CADM1: variants seen among roughly 807,000 people sequenced by gnomAD.
CADM1 encodes the protein cell adhesion molecule 1, also known as TSLC-1.
CADM1 carries 15 observed loss-of-function variants against 53.1 expected under a neutral mutation model. The ratio of observed to expected loss-of-function variants is 0.28; its 90% confidence interval spans 0.19 to 0.44. CADM1 has a LOEUF of 0.44. CADM1 is among the 20% of genes least tolerant of loss of function. CADM1 has a pLI of 1.00. For synonymous variants in CADM1, 281 were observed against 243.0 expected (o/e 1.16, Z -1.45); for missense variants, 434 against 611.3 (o/e 0.71, Z 3.06).
intron 1 of CADM1, among the ~76,000 whole-genome samples, chr11:115,407,828 C>T (rs188097773): frequency 7.6e-6 from 1 of 131,598 alleles, no homozygotes; most frequent in East Asian, 2.4e-4. Flanking sequence ...GCCATACCAT[C>T]GCACTCCAGC....
In CADM1 at chr11:115,253,378, G is replaced by A. The variant is rs189708370; in HGVS notation, c.125-12958C>T. Among the ~76,000 whole-genome samples the A allele has an allele frequency of 4.6e-5, 7 of 152,248 alleles. No homozygotes were observed. The East Asian group carries it at 1.4e-3, about 29-fold the overall frequency. ...CTTTCCTGCTTTCTAATGAGTTCCT[G>A]GGTATGTCTAAGATGTTTGGGGTGT... On this transcript the variant is annotated intron_variant, in intron 1 of 11. Transcript: ENST00000331581.
chr11:115,360,711 T>C (rs1220461382), intron 1 of CADM1, among the ~76,000 whole-genome samples: 3 of 152,270 alleles, frequency 2.0e-5, no homozygotes, highest in East Asian at 3.9e-4. Flanking sequence ...AGACAGAACA[T>C]AGTTGCAGTC....
intron 1 of CADM1, among the ~76,000 whole-genome samples, chr11:115,355,678 A>G (rs1291709397): frequency 6.6e-6 from 1 of 151,456 alleles, no homozygotes; most frequent in Non-Finnish European, 1.5e-5. Context: ...ATCAAAAACT[A>G]AACAGATTTA....
intron 1 of CADM1, among the ~76,000 whole-genome samples, chr11:115,459,054 G>A (rs1237401147): frequency 6.6e-6 from 1 of 152,052 alleles, no homozygotes; most frequent in African/African-American, 2.4e-5. Flanking sequence ...GATGCATAAG[G>A]GTTTTTAAAA....
chr11:115,427,364 C>T (rs220866), intron 1 of CADM1, among the ~76,000 whole-genome samples: 5 of 152,158 alleles, frequency 3.3e-5, no homozygotes, highest in Non-Finnish European at 5.9e-5. Context: ...AAAATCAGCA[C>T]GTAGCAACAT....
chr11:115,223,351 G>C (rs1425089926), intron 5 of CADM1, among the ~76,000 whole-genome samples: 1 of 152,122 alleles, frequency 6.6e-6, no homozygotes, highest in Admixed American at 6.6e-5. Context: ...GATGTTGTTT[G>C]ACCATTCCTT....
intron 1 of CADM1, among the ~76,000 whole-genome samples, chr11:115,320,926 T>C (rs147736334): frequency 6.6e-6 from 1 of 152,272 alleles, no homozygotes; most frequent in African/African-American, 2.4e-5. Context: ...TAGTCTTCCT[T>C]TGTAGCAAAG....
chr11:115,280,525 T>C (rs779330991), intron 1 of CADM1, among the ~76,000 whole-genome samples: 1 of 152,250 alleles, frequency 6.6e-6, no homozygotes, highest in Non-Finnish European at 1.5e-5. Context: ...AGGGGATTAA[T>C]TGTTAGTCCT....
intron 10 of CADM1, among the ~76,000 whole-genome samples, chr11:115,181,568 G>A (rs557866809): frequency 6.6e-6 from 1 of 152,302 alleles, no homozygotes; most frequent in African/African-American, 2.4e-5. Context: ...GGTAACTGAT[G>A]TTTAATTTAC....
At chr11:115,215,103 C>A (rs1182710773) in intron 6 of CADM1, among the ~76,000 whole-genome samples, 5 of 152,178 alleles carry the variant, frequency 3.3e-5, no homozygotes, top group Non-Finnish European at 7.3e-5. Flanking sequence ...GCAGGACAGA[C>A]CTCACCCATT....
At chr11:115,504,203 CT>C (rs1221083430) in intron 1 of CADM1, 67 bp downstream of exon 1, 1 of 1,550,450 alleles carries the variant, frequency 6.4e-7, no homozygotes, top group Non-Finnish European at 8.7e-7. Flanking sequence ...CGTTTCCCCC[CT>C]CTGTGGCCAA....
At chr11:115,474,459 C>T (rs1949084415) in intron 1 of CADM1, among the ~76,000 whole-genome samples, 1 of 151,762 alleles carries the variant, frequency 6.6e-6, no homozygotes, top group Non-Finnish European at 1.5e-5. Flanking sequence ...AAATGTCCTT[C>T]AATGATAGAC....
intron 1 of CADM1, among the ~76,000 whole-genome samples, chr11:115,457,696 C>T (rs1565437663): frequency 2.0e-5 from 3 of 152,144 alleles, no homozygotes; most frequent in East Asian, 1.9e-4. Flanking sequence ...AACCTCCCCC[C>T]TATACCTCCT....
At position 115,279,601 on chromosome 11, in the gene CADM1, A is replaced by G. The variant is rs147556332; in HGVS notation, c.125-39181T>C. On this transcript the variant is annotated intron_variant, in intron 1 of 11. Coordinates refer to ENST00000331581, the MANE Select transcript of CADM1 (RefSeq NM_001301043.2). ...GAAAACTGAACTCTTCCCTTTTCTAAAGAAAAACATTTAAGGGCTGGGGAA... is the reference window on the plus strand; with the variant it reads ...GAAAACTGAACTCTTCCCTTTTCTAGAGAAAAACATTTAAGGGCTGGGGAA... Among the ~76,000 whole-genome samples, 411 of 152,316 alleles carry G rather than the reference A, an allele frequency of 2.7e-3. 2 individuals are homozygous for G. Among genetic ancestry groups the G allele is most frequent in the African/African-American group, 8.7e-3 (362 of 41,566 alleles).
At chr11:115,406,568 ATAT>A (rs765637344) in intron 1 of CADM1, among the ~76,000 whole-genome samples, 1 of 148,120 alleles carries the variant, frequency 6.8e-6, no homozygotes, top group African/African-American at 2.5e-5. Flanking sequence ...TAATTACATA[ATAT>A]TATATACCTT....
At chr11:115,428,532 C>G (rs777137749) in intron 1 of CADM1, among the ~76,000 whole-genome samples, 1 of 152,166 alleles carries the variant, frequency 6.6e-6, no homozygotes, top group Non-Finnish European at 1.5e-5. Flanking sequence ...GAACCCCCAT[C>G]TGTCATAGCT....
chr11:115,501,529 A>T (rs1361843809), intron 1 of CADM1, among the ~76,000 whole-genome samples: 1 of 152,222 alleles, frequency 6.6e-6, no homozygotes. Flanking sequence ...AACAGGCGTG[A>T]TTAACACTGT....
intron 9 of CADM1, among the ~76,000 whole-genome samples, chr11:115,191,513 A>G (rs571485510): frequency 6.6e-6 from 1 of 152,356 alleles, no homozygotes; most frequent in African/African-American, 2.4e-5. Context: ...TCATAAATCA[A>G]TGGTATTCCT....
chr11:115,425,860 C>A (rs1226224600), intron 1 of CADM1, among the ~76,000 whole-genome samples: 2 of 152,160 alleles, frequency 1.3e-5, no homozygotes, highest in Non-Finnish European at 1.5e-5. Context: ...CTTTACGTGA[C>A]CATGAAGGGA....
Sources: gnomAD v4.1 joint callset for allele counts (sites outside exome capture counted in the v4.1 genomes callset) on GRCh38, gnomAD v4.1.1 for gene constraint, MANE v1.5 for transcripts, NCBI Gene and HGNC (gene_info 2026-07-23, HGNC 2026-07-21) for gene names.